CNOT8: variants seen among roughly 807,000 people sequenced by gnomAD.
The protein encoded by CNOT8 is CAF1-like protein.
CNOT8 carries 18 observed loss-of-function variants against 34.6 expected under a neutral mutation model. That is an observed-to-expected ratio of 0.52 (90% confidence interval 0.36 to 0.77). CNOT8 has a LOEUF of 0.77. CNOT8 is among the 30% of genes least tolerant of loss of function. The pLI is 0.00. For missense variants in CNOT8, 189 were observed against 347.9 expected, an observed-to-expected ratio of 0.54 and a Z score of 3.63; for synonymous variants, 101 against 118.8, an observed-to-expected ratio of 0.85 and a Z score of 0.98.
At chr5:154,863,749 T>C (rs935385414) in intron 2 of CNOT8, among the ~76,000 whole-genome samples, 1 of 152,244 alleles carries the variant, frequency 6.6e-6, no homozygotes, top group African/African-American at 2.4e-5. Context: ...CTGAGAAGGA[T>C]GTAACCTCTA....
intron 1 of CNOT8, among the ~76,000 whole-genome samples, chr5:154,861,666 A>G (rs1218170140): frequency 6.6e-6 from 1 of 152,202 alleles, no homozygotes; most frequent in African/African-American, 2.4e-5. Flanking sequence ...GGCTTGCCTT[A>G]GAAGTAAGTG....
intron 3 of CNOT8, among the ~76,000 whole-genome samples, chr5:154,869,425 G>GTT (rs765749537): frequency 4.2e-4 from 53 of 127,340 alleles, no homozygotes; most frequent in Non-Finnish European, 5.2e-4. Flanking sequence ...GGCCTTGTTG[G>GTT]TTTTTTTTTT....
At chr5:154,864,583 A>T in intron 2 of CNOT8, among the ~76,000 whole-genome samples, 1 of 151,804 alleles carries the variant, frequency 6.6e-6, no homozygotes, top group East Asian at 1.9e-4. Context: ...ACTTCCCTGT[A>T]TTTGTATTTT....
At chr5:154,873,094 CG>C (rs1245735814) in intron 6 of CNOT8, among the ~76,000 whole-genome samples, 7 of 152,052 alleles carry the variant, frequency 4.6e-5, no homozygotes, top group African/African-American at 1.7e-4. Flanking sequence ...TTAGTAGACA[CG>C]GGGTTTCACT....
chr5:154,861,234 C>T (rs544992597), intron 1 of CNOT8, among the ~76,000 whole-genome samples: 1 of 152,280 alleles, frequency 6.6e-6, no homozygotes, highest in South Asian at 2.1e-4. Context: ...TCTCTCTTTT[C>T]CTGATCTTTA....
At chr5:154,860,473 A>T (rs137968810) in intron 1 of CNOT8, among the ~76,000 whole-genome samples, 1 of 152,136 alleles carries the variant, frequency 6.6e-6, no homozygotes, top group African/African-American at 2.4e-5. Flanking sequence ...TGCCTGGCTA[A>T]GTTTTTGTAC....
At chr5:154,859,683 T>C (rs1054577097) in intron 1 of CNOT8, 7 of 152,238 alleles carry the variant, frequency 4.6e-5, no homozygotes, top group African/African-American at 1.4e-4. Context: ...AACGTTTCTT[T>C]TCCCGAGCAA....
intron 3 of CNOT8, chr5:154,870,420 T>G: frequency 3.1e-6 from 1 of 324,764 alleles, no homozygotes. Context: ...AATGAGCAAA[T>G]GTATACCTAT....
intron 4 of CNOT8, among the ~76,000 whole-genome samples, 188 bp from the exon 5 acceptor site, chr5:154,871,542 A>C (rs1370699583): frequency 6.8e-6 from 1 of 147,796 alleles, no homozygotes; most frequent in African/African-American, 2.5e-5. Flanking sequence ...CCTGGGCAAC[A>C]GAGTAAGACT....
intron 3 of CNOT8, 169 bp from the exon 4 acceptor site, chr5:154,870,492 G>T: frequency 2.1e-6 from 1 of 475,690 alleles, no homozygotes; most frequent in Non-Finnish European, 3.7e-6. Flanking sequence ...ACAGAAATAT[G>T]ATCTACTTTG....
chr5:154,875,179 A>G, intron 6 of CNOT8, 111 bp from the exon 7 acceptor site: 1 of 1,221,176 alleles, frequency 8.2e-7, no homozygotes, highest in South Asian at 1.4e-5. Flanking sequence ...AGCCTCACAA[A>G]GTGCTTGGAT....
Position 154,876,783 on chromosome 5 carries a change from A to G in CNOT8, c.*1344A>G, listed in dbSNP as rs1287850334. On this transcript the variant is annotated 3_prime_UTR_variant, in exon 7 of 7. Transcript: ENST00000285896. ...TTTGTAAAATAAAGATTTCTTTTTA[A>G]CCACTGGCATTAAGGTTTGGTCTTT... 1 of 152,648 alleles carries G rather than the reference A, an allele frequency of 6.6e-6. No homozygotes were observed. Among genetic ancestry groups the G allele is most frequent in the Non-Finnish European group, 1.5e-5 (1 of 68,044 alleles). 9.5% of individuals were successfully genotyped at this position (152,648 alleles called of 1,614,324 possible).
At chr5:154,867,323 T>G (rs1761988743) in intron 3 of CNOT8, among the ~76,000 whole-genome samples, 1 of 151,940 alleles carries the variant, frequency 6.6e-6, no homozygotes, top group South Asian at 2.1e-4. Context: ...TGGAAAGATC[T>G]GTAAACAAAG....
intron 3 of CNOT8, 82 bp downstream of exon 3, chr5:154,865,467 C>A (rs1761776297): frequency 1.1e-6 from 1 of 893,854 alleles, no homozygotes; most frequent in Non-Finnish European, 1.6e-6. Flanking sequence ...AGCGGTCAAG[C>A]AGAGGACGGA....
At chr5:154,873,158 G>A (rs1241941413) in intron 6 of CNOT8, among the ~76,000 whole-genome samples, 1 of 152,194 alleles carries the variant, frequency 6.6e-6, no homozygotes, top group Admixed American at 6.6e-5. Context: ...CGCCTGGCTT[G>A]GTCTCCCAAA....
intron 3 of CNOT8, among the ~76,000 whole-genome samples, chr5:154,866,068 T>C: frequency 6.6e-6 from 1 of 152,232 alleles, no homozygotes. Context: ...GGGGAGACTG[T>C]CATTTTGCTG....
intron 3 of CNOT8, 74 bp downstream of exon 3, chr5:154,865,459 C>T (rs990502494): frequency 1.6e-5 from 17 of 1,053,636 alleles, no homozygotes; most frequent in Middle Eastern, 3.2e-4. Context: ...TTGGATAGAG[C>T]GGTCAAGCAG....
Position 154,870,565 on chromosome 5 carries a change from A to C in CNOT8, c.312-96A>C, listed in dbSNP as rs141853282. On this transcript the variant is annotated intron_variant, in intron 3 of 6. Transcript: ENST00000285896. ...ATTAAGTTAGGAAAAGCATTTCAAA[A>C]ATACTTGTACTATAATTATAAGGTG... The C allele has an allele frequency of 1.9e-4, 179 of 935,408 alleles. No individual in the cohort carries two copies. In the African/African-American group the frequency reaches 2.7e-3, roughly 14 times the overall value. 57.9% of individuals were successfully genotyped at this position (935,408 alleles called of 1,614,324 possible). A position where few individuals can be genotyped will look rare whatever the true frequency, so the allele number is the denominator to read the frequency against.
intron 3 of CNOT8, among the ~76,000 whole-genome samples, chr5:154,869,850 C>G (rs1408053430): frequency 1.3e-5 from 2 of 152,074 alleles, no homozygotes; most frequent in African/African-American, 2.4e-5. Context: ...GTCTTGATCT[C>G]TTGACCTCGT....
Sources: gnomAD v4.1 joint callset for allele counts (sites outside exome capture counted in the v4.1 genomes callset) on GRCh38, gnomAD v4.1.1 for gene constraint, MANE v1.5 for transcripts, NCBI Gene and HGNC (gene_info 2026-07-23, HGNC 2026-07-21) for gene names.